The following FRYL variants were observed in gnomAD, a reference collection of about 807,000 sequenced individuals.
FRYL encodes protein furry homolog-like.
FRYL carries 150 observed loss-of-function variants against 351.2 expected under a neutral mutation model. The observed-to-expected ratio is 0.43, with a 90% CI of 0.37 to 0.49. The LOEUF (loss-of-function observed/expected upper bound fraction) is 0.49, where lower values mean the gene tolerates loss of function less well. FRYL is among the 20% of genes least tolerant of loss of function. The pLI, the probability that FRYL is intolerant of heterozygous loss-of-function variation, is 0.00. For synonymous variants in FRYL, 1,153 were observed against 1,257.1 expected (o/e 0.92, Z 1.75); for missense variants, 3,036 against 3,619.3 (o/e 0.84, Z 4.13).
intron 33 of FRYL, among the ~76,000 whole-genome samples, chr4:48,560,353 G>C (rs1735194846): frequency 6.6e-6 from 1 of 152,168 alleles, no homozygotes; most frequent in Non-Finnish European, 1.5e-5. Flanking sequence ...AGGCTGTTTT[G>C]GTTTAGAATG....
At chr4:48,736,190 T>C (rs1368637825) in intron 1 of FRYL, among the ~76,000 whole-genome samples, 1 of 151,838 alleles carries the variant, frequency 6.6e-6, no homozygotes, top group Non-Finnish European at 1.5e-5. Flanking sequence ...AAATACAACA[T>C]CAAAACTGTG....
intron 1 of FRYL, among the ~76,000 whole-genome samples, chr4:48,723,356 T>G (rs573218103): frequency 6.6e-6 from 1 of 152,204 alleles, no homozygotes; most frequent in African/African-American, 2.4e-5. Context: ...TTGCCCAGGC[T>G]GGTCTCGAAT....
intron 3 of FRYL, among the ~76,000 whole-genome samples, chr4:48,670,519 G>C (rs776349258): frequency 9.9e-5 from 15 of 150,920 alleles, no homozygotes; most frequent in Non-Finnish European, 1.9e-4. Context: ...GCAAATACTA[G>C]ATGTTATTCA....
rs1728747592 is a variant in FRYL, at chr4:48,535,748, C to T, written c.6473G>A (p.Arg2158Lys). The T allele has an allele frequency of 3.1e-6, 5 of 1,611,052 alleles. No individual in the cohort carries two copies. The East Asian group carries it at 1.1e-4, about 36-fold the overall frequency. Reference sequence around the variant, plus strand: ...GACATTGATCCAGTTAGAACAGTCTCTGGAATACGTGTGTGTACTGTACAA... The same window carrying T: ...GACATTGATCCAGTTAGAACAGTCTTTGGAATACGTGTGTGTACTGTACAA... ...MSLYSTHTYS[R>K]DCSNWINVVC... is the part of the protein sequence containing the mutation. Residue 2158 changes from arginine (R) to lysine (K), a missense_variant, in exon 48 of 64, where the codon AGA (arginine) becomes AAA (lysine). Transcript: ENST00000358350.
intron 2 of FRYL, among the ~76,000 whole-genome samples, chr4:48,703,489 C>T (rs1766987198): frequency 6.6e-6 from 1 of 152,202 alleles, no homozygotes; most frequent in Non-Finnish European, 1.5e-5. Context: ...TCCCTTCTCC[C>T]TGCATGCCAG....
Position 48,602,074 on chromosome 4 carries a change from T to G in FRYL, c.981A>C (p.Gln327His). 6.2e-7 allele frequency: 1 copy of G among 1,602,298 alleles called. No homozygotes were observed. Among genetic ancestry groups the G allele is most frequent in the Non-Finnish European group, 8.5e-7 (1 of 1,170,062 alleles). ...ITCLLCVSQK[Q>H]FFLNNWHIFL... Reference sequence around the variant, plus strand: ...AAATATGCCAGTTATTTAAAAAAAATTGTTTCTGACTGACACATAAAAGGC... The same window carrying G: ...AAATATGCCAGTTATTTAAAAAAAAGTGTTTCTGACTGACACATAAAAGGC... The change falls in exon 13 of 64, where the codon CAA (glutamine) becomes CAC (histidine). Residue 327 changes from glutamine to histidine, a missense_variant. Around this residue, in one of 7 missense-constraint regions of FRYL, gnomAD observed 457 missense variants for 566.6 expected, o/e 0.81. Transcript: ENST00000358350.
At chr4:48,533,789 C>T (rs1483695691) in intron 49 of FRYL, among the ~76,000 whole-genome samples, 1 of 152,154 alleles carries the variant, frequency 6.6e-6, no homozygotes, top group African/African-American at 2.4e-5. Flanking sequence ...TTTAATTTTC[C>T]ACTTTCTAAA....
intron 13 of FRYL, among the ~76,000 whole-genome samples, chr4:48,596,926 A>G (rs1458898143): frequency 6.6e-6 from 1 of 151,470 alleles, no homozygotes; most frequent in East Asian, 1.9e-4. Flanking sequence ...ATTGTTGTGA[A>G]TTTACATTTT....
chr4:48,506,641 TATATATATATATA>T, intron 59 of FRYL: 1 of 69,732 alleles, frequency 1.4e-5, no homozygotes, highest in Admixed American at 1.5e-4. Context: ...TATATATATA[TATATATATATATA>T]TATATATATA....
At position 48,563,493 on chromosome 4, in the gene FRYL, G is replaced by C. The variant is rs572128179; in HGVS notation, c.3596+455C>G. Among the ~76,000 whole-genome samples, 16 of 152,092 alleles carry C rather than the reference G, an allele frequency of 1.1e-4. No individual in the cohort carries two copies. The East Asian group carries it at 3.1e-3, about 29-fold the overall frequency. On this transcript the variant is annotated intron_variant, in intron 31 of 63. Coordinates refer to ENST00000358350, the MANE Select transcript of FRYL (RefSeq NM_015030.2). ...GCACTTTGGGAAGCCAAAGTGAGAG[G>C]CCAGGAGTTCAAGACCATCCTGGGC...
At chr4:48,745,744 A>C (rs921813203) in intron 1 of FRYL, among the ~76,000 whole-genome samples, 2 of 152,116 alleles carry the variant, frequency 1.3e-5, no homozygotes, top group Non-Finnish European at 2.9e-5. Context: ...CTAGAACTTA[A>C]ATAATAATAA....
At chr4:48,579,797 G>A (rs1302134768) in intron 22 of FRYL, among the ~76,000 whole-genome samples, 1 of 151,970 alleles carries the variant, frequency 6.6e-6, no homozygotes, top group African/African-American at 2.4e-5. Context: ...CATAATTTAT[G>A]GTTAATATCT....
rs146189482 is a variant in FRYL, at chr4:48,582,272, C to A, written c.1986+225G>T. Reference sequence around the variant, plus strand: ...GCTGGAATTATCTCTAATTTCTATGCTCATTAAAAACCCAAAGAAGAAGAT... The same window carrying A: ...GCTGGAATTATCTCTAATTTCTATGATCATTAAAAACCCAAAGAAGAAGAT... On this transcript the variant is annotated intron_variant, in intron 20 of 63. Transcript: ENST00000358350. Among the ~76,000 whole-genome samples, 42 of 152,196 alleles carry A rather than the reference C, an allele frequency of 2.8e-4. No homozygotes were observed. The East Asian group carries it at 7.5e-3, about 27-fold the overall frequency.
intron 1 of FRYL, among the ~76,000 whole-genome samples, chr4:48,770,490 T>C (rs943838479): frequency 6.6e-6 from 1 of 152,146 alleles, no homozygotes; most frequent in Non-Finnish European, 1.5e-5. Context: ...CAGTTTGGAG[T>C]GCAATGGTGC....
intron 23 of FRYL, among the ~76,000 whole-genome samples, chr4:48,578,534 CAG>C (rs1269198418): frequency 2.6e-5 from 4 of 152,216 alleles, no homozygotes; most frequent in East Asian, 1.9e-4. Context: ...ATCTCCTACT[CAG>C]TGTGTTATTA....
At chr4:48,587,788 A>G (rs1025983815) in intron 18 of FRYL, among the ~76,000 whole-genome samples, 2 of 152,056 alleles carry the variant, frequency 1.3e-5, no homozygotes, top group Non-Finnish European at 2.9e-5. Context: ...CAGGTGATAC[A>G]TACGCCTCGG....
At chr4:48,646,183 T>C (rs1756424736) in intron 3 of FRYL, among the ~76,000 whole-genome samples, 1 of 152,204 alleles carries the variant, frequency 6.6e-6, no homozygotes, top group South Asian at 2.1e-4. Flanking sequence ...TTTTTATGAA[T>C]GCCTTGACTA....
intron 1 of FRYL, among the ~76,000 whole-genome samples, chr4:48,717,189 G>A (rs1197641390): frequency 1.3e-5 from 2 of 150,760 alleles, no homozygotes; most frequent in Non-Finnish European, 1.5e-5. Context: ...GAGTTAGTGG[G>A]TGCAGTGCAC....
Position 48,595,998 on chromosome 4 carries a change from A to G in FRYL, c.1038T>C (p.Asn346=). 6.3e-7 allele frequency: 1 copy of G among 1,585,556 alleles called. No individual in the cohort carries two copies. Among genetic ancestry groups the G allele is most frequent in the Non-Finnish European group, 8.6e-7 (1 of 1,163,280 alleles). ...CAACTCGAGACATTTTCGGATCTTT[A>G]TTCTGTTTTAAAACAAAAGAGAATA... ...FLQNCLSHLK[N]KDPKMSRVAL... Residue 346 remains asparagine (N), a splice_region_variant and synonymous_variant, in exon 14 of 64, where the codon AAT becomes AAC. Transcript: ENST00000358350.
Sources: allele counts gnomAD v4.1 joint callset (sites outside exome capture counted in the v4.1 genomes callset), GRCh38; gene constraint gnomAD v4.1.1; regional missense constraint gnomAD v4.1.1; transcripts MANE v1.5; gene names NCBI Gene and HGNC (gene_info 2026-07-23, HGNC 2026-07-21).